Variants in GNAI3 observed in about 807,000 individuals in gnomAD.
GNAI3 encodes guanine nucleotide-binding protein G(i) subunit alpha-3.
Under a neutral mutation model 41.8 loss-of-function variants are expected in GNAI3, and 12 were observed. The ratio of observed to expected loss-of-function variants is 0.29; its 90% confidence interval spans 0.18 to 0.47. The LOEUF (loss-of-function observed/expected upper bound fraction) is 0.47. Ranked by LOEUF, GNAI3 falls within the 20% of genes least tolerant of loss-of-function variation. The pLI is 1.00. For synonymous variants in GNAI3, 132 were observed against 146.5 expected (o/e 0.90, Z 0.71); for missense variants, 360 against 429.6 (o/e 0.84, Z 1.43).
At position 109,595,220 on chromosome 1, in the gene GNAI3, GA is replaced by G. The variant is rs1328558980; in HGVS notation, c.*2900del. 6.6e-6 allele frequency: 1 copy of G among 152,204 alleles called. No individual in the cohort carries two copies. Among genetic ancestry groups the G allele is most frequent in the Non-Finnish European group, 1.5e-5 (1 of 68,026 alleles). 9.4% of individuals were successfully genotyped at this position (152,204 alleles called of 1,614,324 possible). ...AAGAAGCCATTAGTCTCTGTGTAAA[GA>G]AGAAGTATTCTTAATGGACAGTCCC... On this transcript the variant is annotated 3_prime_UTR_variant, in exon 9 of 9. Transcript: ENST00000369851.
In GNAI3 at chr1:109,575,582, G is replaced by A. The variant is rs371587322; in HGVS notation, c.303+1545G>A. Among the ~76,000 whole-genome samples, 10 of 112,272 alleles carry A rather than the reference G, an allele frequency of 8.9e-5. No individual in the cohort carries two copies. The East Asian group carries it at 8.9e-4, about 10-fold the overall frequency. 73.7% of individuals were successfully genotyped at this position (112,272 alleles called of 152,430 possible). ...TTTGGAGACGGACTCTCGCCCTGTC[G>A]CCCAGGCTGGAATGCAATGGCTGGC... On this transcript the variant is annotated intron_variant, in intron 3 of 8. Transcript: ENST00000369851.
chr1:109,580,479 T>C (rs953547085), intron 4 of GNAI3, among the ~76,000 whole-genome samples: 2 of 152,200 alleles, frequency 1.3e-5, no homozygotes, highest in African/African-American at 2.4e-5. Context: ...TTAAATGATA[T>C]AGTCAGGCTG....
At chr1:109,588,116 C>T (rs1649079079) in intron 7 of GNAI3, among the ~76,000 whole-genome samples, 1 of 152,180 alleles carries the variant, frequency 6.6e-6, no homozygotes, top group African/African-American at 2.4e-5. Flanking sequence ...CGCGGTGGCT[C>T]ACGCCTGTAA....
Position 109,582,498 on chromosome 1 carries a change from C to G in GNAI3, c.523C>G (p.Leu175Val). 5.6e-6 allele frequency: 9 copies of G among 1,597,958 alleles called. No homozygotes were observed. Among genetic ancestry groups the G allele is most frequent in the Non-Finnish European group, 7.7e-6 (9 of 1,165,314 alleles). Residue 175 changes from leucine (L) to valine (V), a missense_variant, in exon 5 of 9, where the codon CTT becomes GTT. Leu to Val is a conservative substitution (Grantham distance 32). Transcript: ENST00000369851. The part of the protein sequence containing the change: ...SNYIPTQQDV[L>V]RTRVKTTGIV... ...CTACATTCCAACTCAGCAAGATGTT[C>G]TTCGGACGAGAGTGAAGACCACAGG...
At position 109,571,635 on chromosome 1, in the gene GNAI3, G is replaced by A. The variant is rs1041968658; in HGVS notation, c.119-2102G>A. Among the ~76,000 whole-genome samples, 15 of 152,228 alleles carry A rather than the reference G, an allele frequency of 9.9e-5. 1 individual carries two copies. Among genetic ancestry groups the A allele is most frequent in the Admixed American group, 7.9e-4 (12 of 15,286 alleles). On this transcript the variant is annotated intron_variant, in intron 1 of 8. Transcript: ENST00000369851. The stretch of plus-strand genomic sequence containing the variant: ...GAATAGTGTTTAAGCCATGAGATTA[G>A]GGCCGGGTGCGATTGCTCACTTCTG...
intron 1 of GNAI3, among the ~76,000 whole-genome samples, chr1:109,559,983 T>C (rs1648264503): frequency 6.6e-6 from 1 of 152,224 alleles, no homozygotes; most frequent in Non-Finnish European, 1.5e-5. Context: ...ATGTATCTGA[T>C]GTGAACTAAG....
rs1647888471 is a variant in GNAI3 at position 109,548,630 on chromosome 1, C to T, written c.-91C>T. Reference sequence around the variant, plus strand: ...TAAGGGAGCTGACGGAGAGGGCCACCGCCCAGCAATAGACGGTGCCTCAGC... The same window carrying T: ...TAAGGGAGCTGACGGAGAGGGCCACTGCCCAGCAATAGACGGTGCCTCAGC... On this transcript the variant is annotated 5_prime_UTR_variant, in exon 1 of 9. Coordinates refer to ENST00000369851, the MANE Select transcript of GNAI3 (RefSeq NM_006496.4). The T allele has an allele frequency of 4.2e-5, 35 of 839,226 alleles. 1 individual carries two copies. In the South Asian group the frequency reaches 5.2e-4, roughly 13 times the overall value. 52.0% of individuals were successfully genotyped at this position (839,226 alleles called of 1,614,324 possible). A position where few individuals can be genotyped will look rare whatever the true frequency, so the allele number is the denominator to read the frequency against.
intron 1 of GNAI3, among the ~76,000 whole-genome samples, chr1:109,560,808 C>G (rs552665352): frequency 3.4e-4 from 52 of 152,288 alleles, no homozygotes; most frequent in African/African-American, 1.2e-3. Context: ...CTCAGCCTCC[C>G]AAAGTGTTGG....
At chr1:109,562,865 A>G (rs1053120516) in intron 1 of GNAI3, among the ~76,000 whole-genome samples, 1 of 152,206 alleles carries the variant, frequency 6.6e-6, no homozygotes, top group Non-Finnish European at 1.5e-5. Context: ...TTAGCATTGC[A>G]ATTAACTTTG....
chr1:109,586,174 A>G (rs777483418), intron 5 of GNAI3, 42 bp from the exon 6 acceptor site: 21 of 1,597,840 alleles, frequency 1.3e-5, no homozygotes, highest in Non-Finnish European at 1.6e-5. Flanking sequence ...GGGAAGGTGT[A>G]TGTGTGACCT....
chr1:109,593,397 G>C lies in GNAI3; in HGVS notation c.*1075G>C, dbSNP rs1649217788. ...CCGATGTTAACTGTAGTAATCCTTAGCCAGTATGTTCTTTTGCTGAAACTG... is the reference window on the plus strand; with the variant it reads ...CCGATGTTAACTGTAGTAATCCTTACCCAGTATGTTCTTTTGCTGAAACTG... On this transcript the variant is annotated 3_prime_UTR_variant, in exon 9 of 9. Transcript: ENST00000369851. 6.6e-6 allele frequency: 1 copy of C among 152,554 alleles called. No individual in the cohort carries two copies. Among genetic ancestry groups the C allele is most frequent in the Admixed American group, 6.5e-5 (1 of 15,274 alleles). 9.5% of individuals were successfully genotyped at this position (152,554 alleles called of 1,614,324 possible). A position where few individuals can be genotyped will look rare whatever the true frequency, so the allele number is the denominator to read the frequency against.
Position 109,588,462 on chromosome 1 carries a change from A to T in GNAI3, c.874+1580A>T, listed in dbSNP as rs546065543. Among the ~76,000 whole-genome samples, 5 of 152,184 alleles carry T rather than the reference A, an allele frequency of 3.3e-5. No homozygotes were observed. In the South Asian group the frequency reaches 8.3e-4, roughly 25 times the overall value. ...TTCTGGCCGTGGTTAAGTCAGGCAG[A>T]AATCTGTAGGCCAATCAGTTGAGGT... is the stretch of plus-strand genomic sequence containing the variant. On this transcript the variant is annotated intron_variant, in intron 7 of 8. Coordinates refer to ENST00000369851, the MANE Select transcript of GNAI3 (RefSeq NM_006496.4).
intron 7 of GNAI3, among the ~76,000 whole-genome samples, chr1:109,590,356 C>T (rs1649140660): frequency 6.6e-6 from 1 of 152,188 alleles, no homozygotes; most frequent in Non-Finnish European, 1.5e-5. Context: ...TTGTTGTTAA[C>T]TTCCAAGCCT....
At chr1:109,587,633 G>C (rs1649065280) in intron 7 of GNAI3, among the ~76,000 whole-genome samples, 1 of 152,178 alleles carries the variant, frequency 6.6e-6, no homozygotes, top group African/African-American at 2.4e-5. Flanking sequence ...ACAGTGGCAG[G>C]GAAGAAGTGG....
Position 109,586,226 on chromosome 1 carries a change from G to A in GNAI3, c.601G>A (p.Val201Ile), listed in dbSNP as rs1649029440. ...FKDLYFKMFDVGGQRSERKKW... is the reference protein window; with the variant it reads ...FKDLYFKMFDIGGQRSERKKW... ...TTTCCCCTTGCGCAGGATGTTTGAT[G>A]TAGGTGGCCAAAGATCAGAACGAAA... The change falls in exon 6 of 9, where the codon GTA becomes ATA. Residue 201 changes from valine (V) to isoleucine (I), a missense_variant. Val to Ile is a conservative substitution (Grantham distance 29). Coordinates refer to ENST00000369851, the MANE Select transcript of GNAI3 (RefSeq NM_006496.4). 2.5e-6 allele frequency: 4 copies of A among 1,613,326 alleles called. No individual in the cohort carries two copies. Among genetic ancestry groups the A allele is most frequent in the Non-Finnish European group, 2.5e-6 (3 of 1,179,556 alleles).
intron 4 of GNAI3, among the ~76,000 whole-genome samples, chr1:109,579,787 A>C (rs906710537): frequency 1.3e-5 from 2 of 152,178 alleles, no homozygotes; most frequent in African/African-American, 2.4e-5. Flanking sequence ...TATGGACTTC[A>C]CTAGTAACCC....
At chr1:109,557,026 C>G (rs983301615) in intron 1 of GNAI3, among the ~76,000 whole-genome samples, 1 of 152,214 alleles carries the variant, frequency 6.6e-6, no homozygotes, top group Non-Finnish European at 1.5e-5. Flanking sequence ...ACCTCTGCCT[C>G]CCAGGTTCGA....
At chr1:109,566,434 A>T (rs551413871) in intron 1 of GNAI3, among the ~76,000 whole-genome samples, 3 of 152,120 alleles carry the variant, frequency 2.0e-5, no homozygotes, top group South Asian at 2.1e-4. Context: ...TTGAAAAAAA[A>T]TTTTTTTATT....
chr1:109,586,901 T>C lies in GNAI3; in HGVS notation c.874+19T>C, dbSNP rs1649045177. The C allele has an allele frequency of 1.3e-6, 2 of 1,545,520 alleles. No homozygotes were observed. Among genetic ancestry groups the C allele is most frequent in the Non-Finnish European group, 1.8e-6 (2 of 1,121,604 alleles). Reference sequence around the variant, plus strand: ...TACACAGGTAAGGGGTTATGAAAGATTTTATTGGAGGTACACATCTTACTT... The same window carrying C: ...TACACAGGTAAGGGGTTATGAAAGACTTTATTGGAGGTACACATCTTACTT... On this transcript the variant is annotated intron_variant, in intron 7 of 8. Transcript: ENST00000369851.
Sources: allele counts gnomAD v4.1 joint callset (sites outside exome capture counted in the v4.1 genomes callset), GRCh38; gene constraint gnomAD v4.1.1; transcripts MANE v1.5; gene names NCBI Gene and HGNC (gene_info 2026-07-23, HGNC 2026-07-21).